Variants in ASTN2 observed in about 807,000 individuals in gnomAD.
ASTN2 encodes astrotactin 2.
Under a neutral mutation model 139.8 loss-of-function variants are expected in ASTN2, and 54 were observed. The observed-to-expected ratio is 0.39, with a 90% CI of 0.31 to 0.48. The LOEUF (loss-of-function observed/expected upper bound fraction) is 0.48, where lower values mean the gene tolerates loss of function less well. Among genes scored for constraint, ASTN2 ranks in the 20% least tolerant of loss-of-function variants. The pLI is 0.95. For missense variants in ASTN2, 1,565 were observed against 1,725.1 expected (o/e 0.91, Z 1.64); for synonymous variants, 756 against 719.5 (o/e 1.05, Z -0.81).
At chr9:116,612,189 G>C (rs1855576756) in intron 19 of ASTN2, 1 of 152,094 alleles carries the variant, frequency 6.6e-6, no homozygotes, top group African/African-American at 2.4e-5. Context: ...AAATATATAT[G>C]CACCCAATAT....
intron 16 of ASTN2, chr9:116,700,393 C>T (rs1025025394): frequency 6.0e-6 from 1 of 167,186 alleles, no homozygotes; most frequent in African/African-American, 2.4e-5. Context: ...TTGATGACTT[C>T]AGCCTGGAAA....
chr9:116,555,138 G>C (rs771018681), intron 19 of ASTN2, among the ~76,000 whole-genome samples: 13 of 152,288 alleles, frequency 8.5e-5, no homozygotes, highest in Non-Finnish European at 1.5e-4. Context: ...GTGCTTGTAA[G>C]AGAGAAAAAC....
In ASTN2 at chr9:117,122,866, G is replaced by A. The variant is rs183953590; in HGVS notation, c.1168+18460C>T. Among the ~76,000 whole-genome samples the A allele has an allele frequency of 1.4e-3, 211 of 152,142 alleles. 1 individual carries two copies. Among genetic ancestry groups the A allele is most frequent in the Admixed American group, 1.3e-3 (20 of 15,284 alleles). On this transcript the variant is annotated intron_variant, in intron 4 of 22. Transcript: ENST00000313400. ...CATGCGAAACATGTCCCAATTCCCC[G>A]GAGCCTGCTTACAAAGCTTTTAACC...
intron 4 of ASTN2, among the ~76,000 whole-genome samples, chr9:117,126,929 G>A (rs1829703302): frequency 6.6e-6 from 1 of 152,148 alleles, no homozygotes; most frequent in African/African-American, 2.4e-5. Flanking sequence ...AAGTGAGGTT[G>A]GAGACCCTGG....
rs1293026643 is a variant in ASTN2 at position 116,699,085 on chromosome 9, A to G, written c.2806+26686T>C. 2.5e-6 allele frequency: 4 copies of G among 1,614,066 alleles called. No homozygotes were observed. The highest frequency in any genetic ancestry group is 8.5e-7 in the Non-Finnish European group (1 of 1,179,940). On this transcript the variant is annotated intron_variant, in intron 16 of 22. Coordinates refer to ENST00000313400, the MANE Select transcript of ASTN2 (RefSeq NM_001365068.1). The surrounding 1 kb of genome is among the most constrained non-coding windows in gnomAD (Gnocchi z 4.2). ...GGGCTGATTGGTGTGACTGACAGCT[A>G]TGATAACTCCCTCAAGGTATATACC...
At chr9:117,277,148 AGAG>A (rs960395870) in intron 2 of ASTN2, 1 of 152,116 alleles carries the variant, frequency 6.6e-6, no homozygotes, top group Non-Finnish European at 1.5e-5. Context: ...CATCCCCAAT[AGAG>A]GAGGACTGTT....
intron 19 of ASTN2, among the ~76,000 whole-genome samples, chr9:116,591,115 C>T (rs978595344): frequency 3.9e-5 from 6 of 152,224 alleles, no homozygotes; most frequent in Non-Finnish European, 4.4e-5. Flanking sequence ...CCCTTGCTCA[C>T]CACATTGCAG....
rs78169348 is a variant in ASTN2 at position 116,765,162 on chromosome 9, T to A, written c.2397-31639A>T. Among the ~76,000 whole-genome samples the A allele has an allele frequency of 1.4e-4, 21 of 152,214 alleles. No individual in the cohort carries two copies. In the East Asian group the frequency reaches 4.1e-3, roughly 29 times the overall value. On this transcript the variant is annotated intron_variant, in intron 13 of 22. Coordinates refer to ENST00000313400, the MANE Select transcript of ASTN2 (RefSeq NM_001365068.1). ...GGTTCCTTCTGAGCAGAGGCCAAAT[T>A]CTACCTGAGAGCATCATCCGATATG... is the stretch of plus-strand genomic sequence containing the variant.
intron 4 of ASTN2, among the ~76,000 whole-genome samples, chr9:117,125,889 A>G (rs1367455142): frequency 6.6e-6 from 1 of 151,946 alleles, no homozygotes; most frequent in Admixed American, 6.6e-5. Flanking sequence ...TTTCAATTGG[A>G]TGTAAAATGC....
At chr9:116,884,819 C>CTT (rs758275616) in intron 10 of ASTN2, among the ~76,000 whole-genome samples, 1 of 127,224 alleles carries the variant, frequency 7.9e-6, no homozygotes, top group African/African-American at 3.0e-5. Context: ...CCCCCACCCA[C>CTT]TTTTTTTTTT....
chr9:117,216,108 A>G (rs1006211452), intron 2 of ASTN2, among the ~76,000 whole-genome samples: 3 of 152,226 alleles, frequency 2.0e-5, no homozygotes, highest in Admixed American at 2.0e-4. Flanking sequence ...TCTGTACAGC[A>G]TCTAACAAAG....
At chr9:117,389,652 T>C (rs1830493355) in intron 1 of ASTN2, among the ~76,000 whole-genome samples, 1 of 152,162 alleles carries the variant, frequency 6.6e-6, no homozygotes, top group Admixed American at 6.5e-5. Flanking sequence ...CTGGTATCTA[T>C]CCATTTATTT....
At chr9:116,855,770 TG>T (rs1202629525) in intron 11 of ASTN2, among the ~76,000 whole-genome samples, 1 of 152,216 alleles carries the variant, frequency 6.6e-6, no homozygotes, top group Non-Finnish European at 1.5e-5. Flanking sequence ...TCATACTTTC[TG>T]ACTCTATTTC....
chr9:116,502,730 G>GGAAGGAAT (rs1215087638), intron 19 of ASTN2, among the ~76,000 whole-genome samples: 26 of 21,268 alleles, frequency 1.2e-3, no homozygotes, highest in African/African-American at 3.1e-3. Context: ...AAGGAAGGAA[G>GGAAGGAAT]GAATGAATGA....
At position 117,374,369 on chromosome 9, in the gene ASTN2, T is replaced by TAAAAA. The variant is rs57428022; in HGVS notation, c.442+40123_442+40127dup. On this transcript the variant is annotated intron_variant, in intron 1 of 22. Transcript: ENST00000313400. Reference sequence around the variant, plus strand: ...TTATGAGGCTGCATAAGGGCAGGGTTAAAAAAAAAAAAAAAAAAAAAAAAG... The same window carrying TAAAAA: ...TTATGAGGCTGCATAAGGGCAGGGTTAAAAAAAAAAAAAAAAAAAAAAAAAAAAAG... Among the ~76,000 whole-genome samples, 29 of 87,324 alleles carry TAAAAA rather than the reference T, an allele frequency of 3.3e-4. 2 individuals carry two copies. The highest frequency in any genetic ancestry group is 1.1e-3 in the African/African-American group (20 of 18,114). 57.3% of individuals were successfully genotyped at this position (87,324 alleles called of 152,430 possible).
intron 19 of ASTN2, among the ~76,000 whole-genome samples, chr9:116,550,155 C>T (rs1852278217): frequency 1.3e-5 from 2 of 152,180 alleles, no homozygotes; most frequent in Non-Finnish European, 2.9e-5. Flanking sequence ...ATACTTAGCA[C>T]TCTGACTCTT....
chr9:116,805,197 A>G (rs1161612108), intron 13 of ASTN2, among the ~76,000 whole-genome samples: 1 of 151,798 alleles, frequency 6.6e-6, no homozygotes, highest in Non-Finnish European at 1.5e-5. Flanking sequence ...TTTTAAGAGC[A>G]TTCAGGAAAA....
chr9:116,855,303 T>C (rs1832710800), intron 11 of ASTN2, among the ~76,000 whole-genome samples: 1 of 152,244 alleles, frequency 6.6e-6, no homozygotes, highest in African/African-American at 2.4e-5. Context: ...AATGCACTGA[T>C]TGGAAAGATG....
At chr9:117,151,947 C>T (rs571468593) in intron 3 of ASTN2, among the ~76,000 whole-genome samples, 1 of 152,272 alleles carries the variant, frequency 6.6e-6, no homozygotes, top group South Asian at 2.1e-4. Context: ...CCCAGATACC[C>T]TGGGTGCAGC....
Sources: gnomAD v4.1 joint callset for allele counts (sites outside exome capture counted in the v4.1 genomes callset) on GRCh38, gnomAD v4.1.1 for gene constraint, Gnocchi (gnomAD v3.1) non-coding constraint, MANE v1.5 for transcripts, NCBI Gene and HGNC (gene_info 2026-07-23, HGNC 2026-07-21) for gene names.